VAV1: variants seen among roughly 807,000 people sequenced by gnomAD.
The protein encoded by VAV1 is vav guanine nucleotide exchange factor 1.
In VAV1, 33 loss-of-function variants were observed where a neutral mutation model predicts 128.1. The observed-to-expected ratio is 0.26, with a 90% confidence interval of 0.20 to 0.34. The LOEUF is 0.34. VAV1 is among the 10% of genes least tolerant of loss of function. The pLI is 1.00. For synonymous variants in VAV1, 394 were observed against 409.8 expected (o/e 0.96, Z 0.47); for missense variants, 715 against 1,093.7 (o/e 0.65, Z 4.88).
chr19:6,787,562 CA>C lies in VAV1; in HGVS notation c.204+14553del, dbSNP rs1197715810. ...CCTCATGGAGGCAGATGAGGGTGAC[CA>C]ACTACTCCAGATTTATTTATTTATT... is the stretch of plus-strand genomic sequence containing the variant. On this transcript the variant is annotated intron_variant, in intron 1 of 26. Transcript: ENST00000602142. Among the ~76,000 whole-genome samples, 26 of 150,458 alleles carry C rather than the reference CA, an allele frequency of 1.7e-4. No individual in the cohort carries two copies. The South Asian group carries it at 2.7e-3, about 16-fold the overall frequency.
At chr19:6,854,658 T>A (rs149228521) in intron 26 of VAV1, among the ~76,000 whole-genome samples, 369 of 152,078 alleles carry the variant, frequency 2.4e-3, no homozygotes, top group African/African-American at 8.6e-3. Flanking sequence ...GATGCTGCAG[T>A]GAGCTATGAT....
chr19:6,824,927 C>A, intron 6 of VAV1, 126 bp from the exon 7 acceptor site: 1 of 1,012,278 alleles, frequency 9.9e-7, no homozygotes, highest in Non-Finnish European at 1.6e-6. Flanking sequence ...CATTCTTGTA[C>A]AAGTTTTTGT....
Position 6,777,439 on chromosome 19 carries a change from G to T in VAV1, c.204+4428G>T, listed in dbSNP as rs1970672721. On this transcript the variant is annotated intron_variant, in intron 1 of 26. Coordinates refer to ENST00000602142, the MANE Select transcript of VAV1 (RefSeq NM_005428.4). This position sits in a 1 kb window ranked among gnomAD's most constrained non-coding sequence, Gnocchi z 4.4. ...GACAATGTATAAGTCATCAGGAGGT[G>T]GTATGTACTGCTCTGGAGAAAACAA... 6.6e-6 allele frequency among the ~76,000 whole-genome samples: 1 copy of T among 152,160 alleles called. No homozygotes were observed. Among genetic ancestry groups the T allele is most frequent in the African/African-American group, 2.4e-5 (1 of 41,424 alleles).
intron 19 of VAV1, among the ~76,000 whole-genome samples, chr19:6,835,092 T>C (rs1313366799): frequency 1.3e-5 from 2 of 152,048 alleles, no homozygotes; most frequent in Non-Finnish European, 2.9e-5. Context: ...GTATGTTTTC[T>C]TCTTATTATT....
rs77820510 is a variant in VAV1 at position 6,831,160 on chromosome 19, A to C, written c.1399-931A>C. On this transcript the variant is annotated intron_variant, in intron 14 of 26. Coordinates refer to ENST00000602142, the MANE Select transcript of VAV1 (RefSeq NM_005428.4). ...TGGGAGGGGGAGCTATCTTACCTCCATTGTTCAGGGACATTCTCTGTGGAA... is the reference window on the plus strand; with the variant it reads ...TGGGAGGGGGAGCTATCTTACCTCCCTTGTTCAGGGACATTCTCTGTGGAA... Among the ~76,000 whole-genome samples, 842 of 152,150 alleles carry C rather than the reference A, an allele frequency of 5.5e-3. 13 individuals carry two copies. Among genetic ancestry groups the C allele is most frequent in the African/African-American group, 0.019 (778 of 41,494 alleles).
chr19:6,826,964 A>G lies in VAV1; in HGVS notation c.927+253A>G. On this transcript the variant is annotated intron_variant, in intron 9 of 26. Coordinates refer to ENST00000602142, the MANE Select transcript of VAV1 (RefSeq NM_005428.4). This position sits in a 1 kb window ranked among gnomAD's most constrained non-coding sequence, Gnocchi z 4.1. ...TGACCCTGAACTGAGCTCTGATCTC[A>G]CACTCAACCCCAGCCCTGGGCTGAG... The G allele has an allele frequency of 1.9e-6, 1 of 534,574 alleles. No homozygotes were observed. The highest frequency in any genetic ancestry group is 3.4e-6 in the Non-Finnish European group (1 of 294,192). 33.1% of individuals were successfully genotyped at this position (534,574 alleles called of 1,614,324 possible).
chr19:6,807,858 G>C (rs1445004135), intron 1 of VAV1, among the ~76,000 whole-genome samples: 1 of 151,600 alleles, frequency 6.6e-6, no homozygotes, highest in Non-Finnish European at 1.5e-5. Flanking sequence ...GGGCTTGGTG[G>C]CACACACCTG....
chr19:6,816,422 G>T (rs76067631), intron 1 of VAV1: 12,579 of 151,532 alleles, frequency 0.083, 957 homozygotes, highest in African/African-American at 0.2. Flanking sequence ...AGGAGGTGAA[G>T]GCTGCAGTGA....
At chr19:6,829,983 G>A in intron 14 of VAV1, 65 bp downstream of exon 14, 1 of 1,605,958 alleles carries the variant, frequency 6.2e-7, no homozygotes, top group South Asian at 1.1e-5. Flanking sequence ...CTCTCCACTT[G>A]GGCATGTGCC....
intron 1 of VAV1, among the ~76,000 whole-genome samples, chr19:6,780,599 TCTCA>T (rs1182276945): frequency 7.0e-6 from 1 of 142,366 alleles, no homozygotes; most frequent in Non-Finnish European, 1.5e-5. Context: ...TGGGACGGAG[TCTCA>T]CTCTATTCCT....
At chr19:6,843,968 T>G (rs1972445561) in intron 22 of VAV1, among the ~76,000 whole-genome samples, 1 of 151,436 alleles carries the variant, frequency 6.6e-6, no homozygotes, top group Non-Finnish European at 1.5e-5. Flanking sequence ...CATCAGCTAT[T>G]TAATGAGCTC....
chr19:6,783,857 A>G (rs1167705344), intron 1 of VAV1, among the ~76,000 whole-genome samples: 1 of 152,110 alleles, frequency 6.6e-6, no homozygotes, highest in Non-Finnish European at 1.5e-5. Flanking sequence ...AGCTGGGGAT[A>G]AAAAGGAGAT....
At chr19:6,818,975 G>A (rs187931820) in intron 1 of VAV1, among the ~76,000 whole-genome samples, 9 of 152,218 alleles carry the variant, frequency 5.9e-5, no homozygotes, top group African/African-American at 1.9e-4. Context: ...AATAAGCTGG[G>A]TGTGATGGCG....
intron 1 of VAV1, among the ~76,000 whole-genome samples, chr19:6,814,168 T>C (rs1255496541): frequency 6.6e-6 from 1 of 152,202 alleles, no homozygotes; most frequent in Non-Finnish European, 1.5e-5. Context: ...TTTATGCAGT[T>C]TTGTTTCACA....
At chr19:6,855,224 T>C (rs1972761751) in intron 26 of VAV1, among the ~76,000 whole-genome samples, 1 of 152,234 alleles carries the variant, frequency 6.6e-6, no homozygotes, top group Admixed American at 6.5e-5. Flanking sequence ...TACATTCTAC[T>C]GGGGAAAATA....
intron 1 of VAV1, among the ~76,000 whole-genome samples, chr19:6,816,934 A>G (rs1185817579): frequency 6.6e-6 from 1 of 151,618 alleles, no homozygotes; most frequent in Non-Finnish European, 1.5e-5. Context: ...ACTGCCCTCC[A>G]GCCTGGGCGA....
intron 1 of VAV1, among the ~76,000 whole-genome samples, chr19:6,814,732 C>CT (rs1555701472): frequency 1.5e-5 from 2 of 129,948 alleles, no homozygotes; most frequent in Non-Finnish European, 3.3e-5. Flanking sequence ...TTCTTTCTTT[C>CT]CTTTTTCCCT....
Position 6,820,660 on chromosome 19 carries a change from C to T in VAV1, c.205-42C>T. The T allele has an allele frequency of 6.3e-7, 1 of 1,575,200 alleles. No homozygotes were observed. On this transcript the variant is annotated intron_variant, in intron 1 of 26. Coordinates refer to ENST00000602142, the MANE Select transcript of VAV1 (RefSeq NM_005428.4). The surrounding 1 kb of genome is among the most constrained non-coding windows in gnomAD (Gnocchi z 4.4). ...GCCTGGGGGTCAGTTTCTCCCCTGC[C>T]CTTTCGTACTGCCCCACCCTCATTT...
Position 6,828,595 on chromosome 19 carries a change from C to T in VAV1, c.1093-27C>T. 1 of 1,613,234 alleles carries T rather than the reference C, an allele frequency of 6.2e-7. No homozygotes were observed. Among genetic ancestry groups the T allele is most frequent in the Non-Finnish European group, 8.5e-7 (1 of 1,179,504 alleles). ...GGAGCCTGGGTCGGCTGTTGGGGGGCCAGGTTCACCCCTGCCCCCTCCCCA... is the reference window on the plus strand; with the variant it reads ...GGAGCCTGGGTCGGCTGTTGGGGGGTCAGGTTCACCCCTGCCCCCTCCCCA... On this transcript the variant is annotated intron_variant, in intron 11 of 26. Coordinates refer to ENST00000602142, the MANE Select transcript of VAV1 (RefSeq NM_005428.4). This position sits in a 1 kb window ranked among gnomAD's most constrained non-coding sequence, Gnocchi z 4.5.
Sources: gnomAD v4.1 joint callset for allele counts (sites outside exome capture counted in the v4.1 genomes callset) on GRCh38, gnomAD v4.1.1 for gene constraint, Gnocchi (gnomAD v3.1) non-coding constraint, MANE v1.5 for transcripts, NCBI Gene and HGNC (gene_info 2026-07-23, HGNC 2026-07-21) for gene names.